ADAMTS9: variants seen among roughly 807,000 people sequenced by gnomAD.
ADAMTS9 encodes A disintegrin and metalloproteinase with thrombospondin motifs 9.
ADAMTS9 carries 107 observed loss-of-function variants against 257.1 expected under a neutral mutation model. The ratio of observed to expected loss-of-function variants is 0.42; its 90% CI spans 0.36 to 0.49. The LOEUF (loss-of-function observed/expected upper bound fraction) is 0.49, where lower values mean the gene tolerates loss of function less well. ADAMTS9 is among the 20% of genes least tolerant of loss of function. The probability of loss-of-function intolerance (pLI) is 0.03; values close to 1 mark genes in which losing one functional copy is unlikely to be tolerated. For synonymous variants in ADAMTS9, 982 were observed against 880.9 expected, an observed-to-expected ratio of 1.11 and a Z score of -2.03; for missense variants, 2,353 against 2,469.1, an observed-to-expected ratio of 0.95 and a Z score of 1.00.
In ADAMTS9 at chr3:64,687,427, A is replaced by G. The variant is rs1352656122; in HGVS notation, c.115+116T>C. ...GAAGGGAGAGGCTGCAAAGCGGGAG[A>G]TAATTCTTTCTAGGAAAAGGAGAGA... On this transcript the variant is annotated intron_variant, in intron 1 of 39. Transcript: ENST00000498707. The surrounding 1 kb of genome is among the most constrained non-coding windows in gnomAD (Gnocchi z 4.4). The G allele has an allele frequency of 8.2e-6, 7 of 855,630 alleles. No homozygotes were observed. The Admixed American group carries it at 2.2e-4, about 27-fold the overall frequency. 53.0% of individuals were successfully genotyped at this position (855,630 alleles called of 1,614,324 possible).
chr3:64,602,498 C>T lies in ADAMTS9; in HGVS notation c.3748-285G>A, dbSNP rs150298274. ...ACTCATTTGAATAATACCCAAAATC[C>T]TTACATTGATCTACTAGACCCTTTA... On this transcript the variant is annotated intron_variant, in intron 25 of 39. Transcript: ENST00000498707. 4.6e-5 allele frequency among the ~76,000 whole-genome samples: 7 copies of T among 152,298 alleles called. No homozygotes were observed. In the East Asian group the frequency reaches 1.4e-3, roughly 29 times the overall value.
chr3:64,592,390 C>T (rs1442531948), intron 28 of ADAMTS9: 1 of 151,878 alleles, frequency 6.6e-6, no homozygotes, highest in African/African-American at 2.4e-5. Context: ...GTGTGCAGGC[C>T]CAAGGAGAAC....
At position 64,559,214 on chromosome 3, in the gene ADAMTS9, C is replaced by T. The variant is rs191709989; in HGVS notation, c.4698+2364G>A. ...ATTGCCCAGTTACTGTCGTCCTTCA[C>T]GCTCAGTCTTGCTGCTTTGGGGACA... On this transcript the variant is annotated intron_variant, in intron 30 of 39. Coordinates refer to ENST00000498707, the MANE Select transcript of ADAMTS9 (RefSeq NM_182920.2). Among the ~76,000 whole-genome samples the T allele has an allele frequency of 1.7e-3, 257 of 152,302 alleles. 2 individuals carry two copies. The highest frequency in any genetic ancestry group is 2.1e-3 in the Non-Finnish European group (143 of 68,030).
intron 10 of ADAMTS9, 64 bp from the exon 11 acceptor site, chr3:64,648,108 CA>C: frequency 5.5e-6 from 8 of 1,462,070 alleles, no homozygotes; most frequent in Non-Finnish European, 7.5e-6. Flanking sequence ...TCAAACAAAG[CA>C]AAGCTTGCTT....
chr3:64,616,018 C>G lies in ADAMTS9; in HGVS notation c.2966G>C (p.Arg989Pro), dbSNP rs143377669. ...FCSSHPKPSNREKCSGECNTG... is the reference protein window; with the variant it reads ...FCSSHPKPSNPEKCSGECNTG... ...GTTACATTCCCCTGAGCATTTTTCA[C>G]GGTTGCTTGGTTTGGGATGGCTGCT... The change falls in exon 20 of 40, where the codon CGT (arginine) becomes CCT (proline). Residue 989 changes from arginine to proline, a missense_variant. Coordinates refer to ENST00000498707, the MANE Select transcript of ADAMTS9 (RefSeq NM_182920.2). 1 of 1,613,846 alleles carries G rather than the reference C, an allele frequency of 6.2e-7. No homozygotes were observed. The highest frequency in any genetic ancestry group is 8.5e-7 in the Non-Finnish European group (1 of 1,179,982).
chr3:64,687,621 G>A lies in ADAMTS9; in HGVS notation c.37C>T (p.Leu13=), dbSNP rs1409741035. ...CCCATCTCGGCCAGGTCCCGCACCAGGAGCGTTAGCAGTGTGGCCCAGGAT... is the reference window on the plus strand; with the variant it reads ...CCCATCTCGGCCAGGTCCCGCACCAAGAGCGTTAGCAGTGTGGCCCAGGAT... The part of the protein sequence containing the change: ...FVSWATLLTL[L]VRDLAEMGSP... Residue 13 remains leucine, a synonymous_variant, in exon 1 of 40, where the codon CTG becomes TTG. Coordinates refer to ENST00000498707, the MANE Select transcript of ADAMTS9 (RefSeq NM_182920.2). The surrounding 1 kb of genome is among the most constrained non-coding windows in gnomAD (Gnocchi z 4.4). The A allele has an allele frequency of 1.8e-5, 29 of 1,585,808 alleles. No individual in the cohort carries two copies. Among genetic ancestry groups the A allele is most frequent in the African/African-American group, 4.1e-5 (3 of 73,802 alleles).
chr3:64,540,691 G>C (rs979176929), intron 36 of ADAMTS9, among the ~76,000 whole-genome samples: 6 of 152,130 alleles, frequency 3.9e-5, no homozygotes, highest in East Asian at 1.9e-4. Flanking sequence ...CCTGTGCCTG[G>C]CTAACCCTAA....
chr3:64,649,827 A>AG (rs781724792), intron 9 of ADAMTS9, 49 bp from the exon 10 acceptor site: 13 of 1,577,534 alleles, frequency 8.2e-6, no homozygotes, highest in African/African-American at 1.4e-5. Context: ...GTGGCTGTCA[A>AG]GGTCTCCCCC....
intron 38 of ADAMTS9, among the ~76,000 whole-genome samples, chr3:64,531,281 C>T (rs921780299): frequency 6.6e-6 from 1 of 152,112 alleles, no homozygotes; most frequent in African/African-American, 2.4e-5. Flanking sequence ...GCAGGTTGAG[C>T]TGCTTTTTTA....
chr3:64,550,836 C>G, intron 31 of ADAMTS9, 56 bp downstream of exon 31: 1 of 1,602,162 alleles, frequency 6.2e-7, no homozygotes, highest in Non-Finnish European at 8.5e-7. Flanking sequence ...ACTCATCCCT[C>G]TGCCACTCTC....
At chr3:64,586,924 C>A (rs958402182) in intron 28 of ADAMTS9, 3 of 152,162 alleles carry the variant, frequency 2.0e-5, no homozygotes, top group African/African-American at 7.2e-5. Flanking sequence ...TCCTGGAATT[C>A]AAGCTTCTAC....
At chr3:64,601,407 T>C (rs567984547) in intron 26 of ADAMTS9, among the ~76,000 whole-genome samples, 11 of 152,238 alleles carry the variant, frequency 7.2e-5, no homozygotes, top group East Asian at 1.9e-4. Flanking sequence ...CCCTCAGAGA[T>C]TGTGCTGATA....
intron 28 of ADAMTS9, among the ~76,000 whole-genome samples, chr3:64,573,974 T>A (rs2083765473): frequency 6.6e-6 from 1 of 152,210 alleles, no homozygotes. Flanking sequence ...AACTCATACA[T>A]GTTTACTTGC....
intron 29 of ADAMTS9, among the ~76,000 whole-genome samples, chr3:64,566,032 G>A (rs908251546): frequency 6.6e-6 from 1 of 152,072 alleles, no homozygotes; most frequent in Non-Finnish European, 1.5e-5. Flanking sequence ...CAGACCTTTC[G>A]ATGTGATGAG....
chr3:64,603,465 A>G (rs2084502012), intron 25 of ADAMTS9, among the ~76,000 whole-genome samples: 1 of 152,174 alleles, frequency 6.6e-6, no homozygotes, highest in Non-Finnish European at 1.5e-5. Context: ...GCAGGTTCAC[A>G]GCACTGGATG....
At chr3:64,631,419 A>C (rs772291463) in intron 16 of ADAMTS9, 36 bp downstream of exon 16, 22 of 1,549,224 alleles carry the variant, frequency 1.4e-5, no homozygotes, top group Non-Finnish European at 8.9e-7. Flanking sequence ...GCTCCATAGA[A>C]CCAGAACTCG....
At chr3:64,559,208 C>T (rs2083382049) in intron 30 of ADAMTS9, among the ~76,000 whole-genome samples, 1 of 152,162 alleles carries the variant, frequency 6.6e-6, no homozygotes, top group South Asian at 2.1e-4. Flanking sequence ...TTACTGTCGT[C>T]CTTCACGCTC....
At chr3:64,628,601 A>G (rs1375693708) in intron 16 of ADAMTS9, among the ~76,000 whole-genome samples, 1 of 152,292 alleles carries the variant, frequency 6.6e-6, no homozygotes, top group Non-Finnish European at 1.5e-5. Flanking sequence ...TAATTTGTAA[A>G]CAGTCCTCCA....
intron 3 of ADAMTS9, among the ~76,000 whole-genome samples, chr3:64,676,975 T>C (rs1434935109): frequency 6.6e-6 from 1 of 152,126 alleles, no homozygotes; most frequent in Non-Finnish European, 1.5e-5. Context: ...GAAGCACTGA[T>C]AAGAACCACT....
Sources: gnomAD v4.1 joint callset for allele counts (sites outside exome capture counted in the v4.1 genomes callset) on GRCh38, gnomAD v4.1.1 for gene constraint, Gnocchi (gnomAD v3.1) non-coding constraint, MANE v1.5 for transcripts, NCBI Gene and HGNC (gene_info 2026-07-23, HGNC 2026-07-21) for gene names.